The following HIVEP3 variants were observed in gnomAD, a reference collection of about 807,000 sequenced individuals.
HIVEP3 encodes transcription factor HIVEP3.
A neutral mutation model predicts 152.8 loss-of-function variants in HIVEP3; 49 were observed. The ratio of observed to expected loss-of-function variants is 0.32; its 90% CI spans 0.26 to 0.41. The LOEUF (loss-of-function observed/expected upper bound fraction) is 0.41, where lower values mean the gene tolerates loss of function less well. Among genes scored for constraint, HIVEP3 ranks in the 10% least tolerant of loss-of-function variants. HIVEP3 has a pLI of 1.00. For missense variants in HIVEP3, 2,790 were observed against 3,103.3 expected, an observed-to-expected ratio of 0.90 and a Z score of 2.40; for synonymous variants, 1,269 against 1,289.0, an observed-to-expected ratio of 0.98 and a Z score of 0.33.
intron 1 of HIVEP3, among the ~76,000 whole-genome samples, chr1:41,839,542 C>T (rs548541850): frequency 1.3e-4 from 20 of 152,326 alleles, no homozygotes; most frequent in Non-Finnish European, 2.2e-4. Context: ...CAAGGCACCT[C>T]CTTTCTAAGT....
intron 2 of HIVEP3, among the ~76,000 whole-genome samples, chr1:41,700,137 C>T (rs918093749): frequency 4.6e-5 from 7 of 152,180 alleles, no homozygotes; most frequent in Non-Finnish European, 1.0e-4. Flanking sequence ...AGCCCTCCTG[C>T]CTTCACAGGT....
chr1:41,679,468 C>T (rs1013104930), intron 2 of HIVEP3, among the ~76,000 whole-genome samples: 4 of 152,226 alleles, frequency 2.6e-5, no homozygotes, highest in Non-Finnish European at 2.9e-5. Context: ...TTTGCCTATA[C>T]CTGCAATGGA....
intron 1 of HIVEP3, among the ~76,000 whole-genome samples, chr1:41,801,346 C>T (rs1177711492): frequency 6.6e-6 from 1 of 152,118 alleles, no homozygotes; most frequent in African/African-American, 2.4e-5. Context: ...CAAGGCCATG[C>T]CACCTAGGCT....
At chr1:41,801,029 C>A (rs1650271901) in intron 1 of HIVEP3, among the ~76,000 whole-genome samples, 1 of 152,144 alleles carries the variant, frequency 6.6e-6, no homozygotes, top group African/African-American at 2.4e-5. Flanking sequence ...GCTACAATTA[C>A]TAAGTGGAGT....
chr1:41,586,188 G>A (rs1265102212), intron 3 of HIVEP3, among the ~76,000 whole-genome samples: 1 of 152,218 alleles, frequency 6.6e-6, no homozygotes, highest in Non-Finnish European at 1.5e-5. Context: ...GAGGAGCAAA[G>A]TTGGTCTGCA....
At chr1:41,694,401 A>G (rs1646241830) in intron 2 of HIVEP3, among the ~76,000 whole-genome samples, 1 of 152,180 alleles carries the variant, frequency 6.6e-6, no homozygotes. Flanking sequence ...CTATTTATAC[A>G]TTTCCTACCA....
chr1:41,904,885 G>T (rs1557506393), intron 1 of HIVEP3, among the ~76,000 whole-genome samples: 1 of 152,166 alleles, frequency 6.6e-6, no homozygotes, highest in Non-Finnish European at 1.5e-5. Flanking sequence ...CATCCACAAG[G>T]GTCCTTGGCC....
chr1:41,848,021 C>G (rs1273223370), intron 1 of HIVEP3: 1 of 152,196 alleles, frequency 6.6e-6, no homozygotes, highest in Non-Finnish European at 1.5e-5. Flanking sequence ...GTGCTTCTAG[C>G]CTAAAGTGAC....
chr1:42,020,872 G>A (rs907472704), intron 1 of HIVEP3, among the ~76,000 whole-genome samples: 3 of 152,188 alleles, frequency 2.0e-5, no homozygotes, highest in African/African-American at 7.2e-5. Context: ...GAGGGAATGA[G>A]ACATCAAAAG....
At chr1:41,984,309 T>C (rs926700468) in intron 1 of HIVEP3, among the ~76,000 whole-genome samples, 2 of 151,992 alleles carry the variant, frequency 1.3e-5, no homozygotes, top group African/African-American at 2.4e-5. Flanking sequence ...TAAACCTGGA[T>C]AGAACTTTTC....
At chr1:41,941,841 T>A (rs886600677) in intron 1 of HIVEP3, among the ~76,000 whole-genome samples, 1 of 152,200 alleles carries the variant, frequency 6.6e-6, no homozygotes, top group Admixed American at 6.5e-5. Context: ...CCTGAACTTC[T>A]GCACTTCTAA....
At chr1:41,588,432 C>T (rs1644537317) in intron 3 of HIVEP3, among the ~76,000 whole-genome samples, 1 of 152,096 alleles carries the variant, frequency 6.6e-6, no homozygotes. Context: ...TTGCTTAGTC[C>T]TGCCTTCTCC....
At chr1:41,549,117 T>C (rs1327961409) in intron 5 of HIVEP3, among the ~76,000 whole-genome samples, 2 of 146,924 alleles carry the variant, frequency 1.4e-5, no homozygotes, top group Non-Finnish European at 3.0e-5. Flanking sequence ...AGTGAGAACA[T>C]GCGGTATTTC....
intron 1 of HIVEP3, among the ~76,000 whole-genome samples, chr1:41,901,913 T>G (rs72671284): frequency 1.9e-3 from 290 of 152,326 alleles, no homozygotes; most frequent in Non-Finnish European, 3.5e-3. Context: ...TAGGGCGAGC[T>G]CCTTGTCTGC....
intron 1 of HIVEP3, among the ~76,000 whole-genome samples, chr1:41,859,947 A>C (rs1453504551): frequency 6.6e-6 from 1 of 152,356 alleles, no homozygotes; most frequent in East Asian, 1.9e-4. Context: ...GTGGTTGCCC[A>C]TCAGGGAACT....
rs1644440647 is a variant in HIVEP3 at position 41,583,037 on chromosome 1, C to T, written c.1761G>A (p.Leu587=). 1 of 1,614,050 alleles carries T rather than the reference C, an allele frequency of 6.2e-7. No homozygotes were observed. Among genetic ancestry groups the T allele is most frequent in the African/African-American group, 1.3e-5 (1 of 75,010 alleles). Residue 587 remains leucine (L), a synonymous_variant, in exon 4 of 9, where the codon CTG becomes CTA. Transcript: ENST00000372583. The surrounding 1 kb of genome is among the most constrained non-coding windows in gnomAD (Gnocchi z 6.9). ...GTAATTCGATTGCCGGCTGGCGCTT[C>T]AGCATCCGGGGGTGGGAGGTAAACA... ...SHVFTSHPRM[L]KRQPAIELPL... is the part of the protein sequence containing the mutation.
At position 41,513,251 on chromosome 1, in the gene HIVEP3, G is replaced by A. The variant is rs200131251; in HGVS notation, c.5970C>T (p.Asn1990=). 70 of 1,613,614 alleles carry A rather than the reference G, an allele frequency of 4.3e-5. No individual in the cohort carries two copies. The highest frequency in any genetic ancestry group is 1.7e-4 in the Admixed American group (10 of 60,030). ...GGGAGCATCGCTGGGGAGATGAGTC[G>A]TTTTTGGTTAGCGAGTGTTTGCGGG... ...PLARKHSLTK[N]DSSPQRCSPA... Residue 1990 remains asparagine (N), a synonymous_variant, in exon 8 of 9, where the codon AAC becomes AAT. Transcript: ENST00000372583.
intron 1 of HIVEP3, among the ~76,000 whole-genome samples, chr1:41,962,370 A>G (rs1304940266): frequency 2.0e-5 from 3 of 152,246 alleles, no homozygotes; most frequent in African/African-American, 7.2e-5. Flanking sequence ...CATAGCACAT[A>G]AAGAATAATT....
At chr1:41,999,421 G>T (rs938376375) in intron 1 of HIVEP3, among the ~76,000 whole-genome samples, 1 of 151,944 alleles carries the variant, frequency 6.6e-6, no homozygotes, top group Admixed American at 6.6e-5. Flanking sequence ...GATTTTAATG[G>T]GCACCTCTCT....
Sources: gnomAD v4.1 joint callset for allele counts (sites outside exome capture counted in the v4.1 genomes callset) on GRCh38, gnomAD v4.1.1 for gene constraint, Gnocchi (gnomAD v3.1) non-coding constraint, MANE v1.5 for transcripts, NCBI Gene and HGNC (gene_info 2026-07-23, HGNC 2026-07-21) for gene names.